Variants in RCAN2 observed in about 807,000 individuals in gnomAD.
RCAN2 encodes the protein regulator of calcineurin 2.
RCAN2 carries 9 observed loss-of-function variants against 23.6 expected under a neutral mutation model. The ratio of observed to expected loss-of-function variants is 0.38; its 90% CI spans 0.23 to 0.67. The LOEUF (loss-of-function observed/expected upper bound fraction) is 0.67, where lower values mean the gene tolerates loss of function less well. RCAN2 is among the 30% of genes least tolerant of loss of function. The pLI, the probability that RCAN2 is intolerant of heterozygous loss-of-function variation, is 0.51. For synonymous variants in RCAN2, 109 were observed against 115.7 expected (o/e 0.94, Z 0.37); for missense variants, 273 against 302.3 (o/e 0.90, Z 0.72).
chr6:46,380,547 T>A (rs373008834), intron 2 of RCAN2, among the ~76,000 whole-genome samples: 3 of 152,200 alleles, frequency 2.0e-5, no homozygotes, highest in African/African-American at 7.2e-5. Context: ...CCAGATTTAC[T>A]GATTCAGAAA....
intron 2 of RCAN2, among the ~76,000 whole-genome samples, chr6:46,340,542 C>T (rs183082638): frequency 8.5e-5 from 13 of 152,250 alleles, no homozygotes; most frequent in African/African-American, 2.4e-4. Flanking sequence ...TCAAGCTGAC[C>T]TTGGGAGCGA....
At chr6:46,468,299 T>C (rs1342053971) in intron 1 of RCAN2, among the ~76,000 whole-genome samples, 1 of 152,234 alleles carries the variant, frequency 6.6e-6, no homozygotes, top group African/African-American at 2.4e-5. Context: ...TTTAGTTTTA[T>C]CAGGTCATCT....
chr6:46,242,643 CTTTAA>C (rs1766346601), intron 4 of RCAN2, among the ~76,000 whole-genome samples: 1 of 152,202 alleles, frequency 6.6e-6, no homozygotes, highest in Non-Finnish European at 1.5e-5. Context: ...GGTAGTCATT[CTTTAA>C]CATGCAATTA....
chr6:46,451,117 C>T (rs1255169498), intron 2 of RCAN2, among the ~76,000 whole-genome samples: 1 of 152,014 alleles, frequency 6.6e-6, no homozygotes, highest in Admixed American at 6.6e-5. Flanking sequence ...GGGCAAAATA[C>T]ATTGAATTGC....
intron 2 of RCAN2, among the ~76,000 whole-genome samples, chr6:46,257,006 T>A (rs560550496): frequency 6.6e-6 from 1 of 152,184 alleles, no homozygotes; most frequent in African/African-American, 2.4e-5. Flanking sequence ...GGCAGAAGGA[T>A]CTGTCCAGCA....
chr6:46,483,125 G>A (rs576568106), intron 1 of RCAN2, among the ~76,000 whole-genome samples: 39 of 152,282 alleles, frequency 2.6e-4, no homozygotes, highest in Middle Eastern at 3.4e-3. Context: ...GTAAGCTATC[G>A]AAAATTACAC....
chr6:46,359,472 G>A (rs550054636), intron 2 of RCAN2, among the ~76,000 whole-genome samples: 1 of 152,308 alleles, frequency 6.6e-6, no homozygotes, highest in South Asian at 2.1e-4. Flanking sequence ...TTGTAGGAAA[G>A]CAGAAATATT....
At chr6:46,324,635 CA>C (rs1454176846) in intron 2 of RCAN2, among the ~76,000 whole-genome samples, 2 of 152,154 alleles carry the variant, frequency 1.3e-5, no homozygotes, top group African/African-American at 2.4e-5. Flanking sequence ...TTCCATTTTG[CA>C]AGCCTGGCAT....
At chr6:46,347,010 G>A (rs1192273869) in intron 2 of RCAN2, among the ~76,000 whole-genome samples, 1 of 151,976 alleles carries the variant, frequency 6.6e-6, no homozygotes, top group Non-Finnish European at 1.5e-5. Flanking sequence ...CGAGTAGCTG[G>A]GACTACAGGC....
intron 2 of RCAN2, among the ~76,000 whole-genome samples, chr6:46,447,517 A>G (rs758659182): frequency 9.2e-5 from 14 of 151,962 alleles, no homozygotes; most frequent in Non-Finnish European, 2.1e-4. Flanking sequence ...TATACAAAAG[A>G]TTGAATCCAA....
At chr6:46,463,921 C>T (rs1231934211) in intron 1 of RCAN2, among the ~76,000 whole-genome samples, 1 of 152,056 alleles carries the variant, frequency 6.6e-6, no homozygotes, top group Non-Finnish European at 1.5e-5. Flanking sequence ...AAATATAAAA[C>T]TTTTGCAATA....
At chr6:46,425,896 CTTT>C (rs1049166361) in intron 2 of RCAN2, among the ~76,000 whole-genome samples, 5 of 126,686 alleles carry the variant, frequency 3.9e-5, no homozygotes, top group Admixed American at 8.0e-5. Context: ...TTCTTTCTTT[CTTT>C]TTTTTTTTTT....
chr6:46,441,106 G>A (rs1026544716), intron 2 of RCAN2, among the ~76,000 whole-genome samples: 15 of 152,218 alleles, frequency 9.9e-5, no homozygotes, highest in East Asian at 3.9e-4. Flanking sequence ...GATCTGGGTC[G>A]CAGGGAGGGG....
intron 2 of RCAN2, chr6:46,325,396 A>T (rs1054378705): frequency 6.2e-7 from 1 of 1,614,058 alleles, no homozygotes; most frequent in African/African-American, 1.3e-5. Context: ...TGCATACCTT[A>T]ACCTCCTGAT....
At chr6:46,338,923 G>A (rs1297446101) in intron 2 of RCAN2, among the ~76,000 whole-genome samples, 1 of 138,140 alleles carries the variant, frequency 7.2e-6, no homozygotes, top group Non-Finnish European at 1.6e-5. Context: ...GCTGAGGCAG[G>A]AGAATTGCTT....
intron 2 of RCAN2, among the ~76,000 whole-genome samples, chr6:46,372,730 T>C (rs1301333802): frequency 6.6e-6 from 1 of 152,234 alleles, no homozygotes; most frequent in Non-Finnish European, 1.5e-5. Context: ...TAGTCACACC[T>C]ATAAGAGAAG....
At chr6:46,301,156 C>T (rs1473677537) in intron 2 of RCAN2, among the ~76,000 whole-genome samples, 2 of 152,014 alleles carry the variant, frequency 1.3e-5, no homozygotes, top group African/African-American at 2.4e-5. Flanking sequence ...AAATATTTAT[C>T]AACATGTAGT....
chr6:46,440,084 C>CA (rs2150421927), intron 2 of RCAN2, among the ~76,000 whole-genome samples: 1 of 152,262 alleles, frequency 6.6e-6, no homozygotes, highest in East Asian at 1.9e-4. Context: ...TAGCATCTTC[C>CA]CATGAAATAA....
chr6:46,442,625 C>G (rs6458506), intron 2 of RCAN2, among the ~76,000 whole-genome samples: 2,821 of 152,302 alleles, frequency 0.019, 80 homozygotes, highest in African/African-American at 0.064. Context: ...CTCCATGTCC[C>G]TATTTAATAT....
Sources: allele counts gnomAD v4.1 joint callset (sites outside exome capture counted in the v4.1 genomes callset), GRCh38; gene constraint gnomAD v4.1.1; transcripts MANE v1.5; gene names NCBI Gene and HGNC (gene_info 2026-07-23, HGNC 2026-07-21).